Variants in NFE2L2 observed in about 807,000 individuals in gnomAD.
NFE2L2 encodes the protein NFE2 like bZIP transcription factor 2.
Under a neutral mutation model 49.6 loss-of-function variants are expected in NFE2L2, and 20 were observed. That is an observed-to-expected ratio of 0.40 (90% CI 0.28 to 0.59). The LOEUF (loss-of-function observed/expected upper bound fraction) is 0.59, where lower values mean the gene tolerates loss of function less well. Among genes scored for constraint, NFE2L2 ranks in the 20% least tolerant of loss-of-function variants. The probability of loss-of-function intolerance (pLI) is 0.40; values close to 1 mark genes in which losing one functional copy is unlikely to be tolerated. For synonymous variants in NFE2L2, 244 were observed against 256.5 expected, an observed-to-expected ratio of 0.95 and a Z score of 0.47; for missense variants, 578 against 714.2, an observed-to-expected ratio of 0.81 and a Z score of 2.17.
chr2:177,263,574 G>C (rs1354661572), intron 1 of NFE2L2: 1 of 985,266 alleles, frequency 1.0e-6, no homozygotes, highest in Non-Finnish European at 1.2e-6. Context: ...CTATAAAGCA[G>C]GAAAGGGCCA....
At chr2:177,256,213 T>C (rs1200731535) in intron 1 of NFE2L2, among the ~76,000 whole-genome samples, 3 of 152,116 alleles carry the variant, frequency 2.0e-5, no homozygotes, top group Non-Finnish European at 4.4e-5. Context: ...CATACCTCTG[T>C]GCCTGTTACC....
intron 1 of NFE2L2, among the ~76,000 whole-genome samples, chr2:177,241,065 T>C (rs2105468757): frequency 6.6e-6 from 1 of 152,272 alleles, no homozygotes; most frequent in African/African-American, 2.4e-5. Flanking sequence ...CTTCTAAAAA[T>C]AAATTTCATC....
chr2:177,257,728 TC>T (rs1197658290), intron 1 of NFE2L2, among the ~76,000 whole-genome samples: 1 of 152,152 alleles, frequency 6.6e-6, no homozygotes, highest in African/African-American at 2.4e-5. Context: ...AGGCGAGCAT[TC>T]CCGCCTGAGC....
intron 1 of NFE2L2, among the ~76,000 whole-genome samples, chr2:177,250,033 A>G (rs181379009): frequency 2.3e-4 from 35 of 152,240 alleles, no homozygotes; most frequent in Non-Finnish European, 1.2e-4. Context: ...GGGAAAATTC[A>G]CCCTTCCAAA....
chr2:177,233,433 A>G, intron 2 of NFE2L2, 94 bp from the exon 3 acceptor site: 2 of 941,168 alleles, frequency 2.1e-6, no homozygotes, highest in Non-Finnish European at 3.2e-6. Flanking sequence ...TAAAATATTT[A>G]TAATCAAGTT....
At chr2:177,250,726 C>A (rs1254876493) in intron 1 of NFE2L2, among the ~76,000 whole-genome samples, 2 of 152,192 alleles carry the variant, frequency 1.3e-5, no homozygotes, top group Non-Finnish European at 2.9e-5. Flanking sequence ...CCTATCCACT[C>A]GAGGCTTCCT....
intron 3 of NFE2L2, 133 bp from the exon 4 acceptor site, chr2:177,232,716 C>T: frequency 6.3e-6 from 5 of 794,134 alleles, no homozygotes; most frequent in Non-Finnish European, 9.7e-6. Context: ...GTCATGACCC[C>T]GTTTGTAAAT....
intron 1 of NFE2L2, among the ~76,000 whole-genome samples, chr2:177,260,974 C>T (rs1254516830): frequency 6.6e-6 from 1 of 151,846 alleles, no homozygotes; most frequent in Admixed American, 6.6e-5. Flanking sequence ...AGTTCGAGAC[C>T]AGCCCAGCCT....
chr2:177,233,664 T>C, intron 2 of NFE2L2: 1 of 503,656 alleles, frequency 2.0e-6, no homozygotes. Context: ...AAAACAGTGC[T>C]TGCCACACAC....
intron 1 of NFE2L2, among the ~76,000 whole-genome samples, chr2:177,239,285 A>C (rs958790948): frequency 6.6e-6 from 1 of 152,154 alleles, no homozygotes; most frequent in Non-Finnish European, 1.5e-5. Context: ...ATGACATCTA[A>C]TTGCTCTTCA....
intron 1 of NFE2L2, among the ~76,000 whole-genome samples, chr2:177,236,338 G>T (rs1689750023): frequency 6.6e-6 from 1 of 152,200 alleles, no homozygotes; most frequent in Non-Finnish European, 1.5e-5. Context: ...CCCTGCTCAT[G>T]GGGCTCATTA....
intron 1 of NFE2L2, among the ~76,000 whole-genome samples, chr2:177,245,248 T>C (rs1055248719): frequency 4.6e-5 from 7 of 152,220 alleles, no homozygotes; most frequent in Admixed American, 4.6e-4. Flanking sequence ...CACGGAACGC[T>C]ACAACTGGAA....
intron 1 of NFE2L2, 149 bp downstream of exon 1, chr2:177,264,383 A>AAGCGCGGCGGCTCTACCC: frequency 1.4e-6 from 1 of 695,262 alleles, no homozygotes; most frequent in East Asian, 3.6e-5. Context: ...GCCCCGGCGC[A>AAGCGCGGCGGCTCTACCC]AGCGCGGCGG....
chr2:177,232,639 C>T lies in NFE2L2; in HGVS notation c.403-56G>A, dbSNP rs1264820334. On this transcript the variant is annotated intron_variant, in intron 3 of 4. Transcript: ENST00000397062. The stretch of plus-strand genomic sequence containing the variant: ...CTTCCACCAACAGGGGATGAGTAAG[C>T]TCTAAGGCACCACTACAAAACAAAA... 1.9e-6 allele frequency: 3 copies of T among 1,552,254 alleles called. No individual in the cohort carries two copies. In the East Asian group the frequency reaches 7.0e-5, roughly 36 times the overall value.
intron 1 of NFE2L2, among the ~76,000 whole-genome samples, chr2:177,251,772 G>A (rs1239476783): frequency 2.0e-5 from 3 of 152,094 alleles, no homozygotes; most frequent in South Asian, 2.1e-4. Flanking sequence ...TTGGGAGGCC[G>A]AGGTGGGCGG....
chr2:177,264,392 G>T, intron 1 of NFE2L2, 140 bp downstream of exon 1: 1 of 804,766 alleles, frequency 1.2e-6, no homozygotes, highest in Non-Finnish European at 1.8e-6. Context: ...CAAGCGCGGC[G>T]GCTCTACCCA....
chr2:177,232,787 T>C (rs1689601635), intron 3 of NFE2L2: 2 of 562,196 alleles, frequency 3.6e-6, no homozygotes, highest in South Asian at 5.1e-5. Context: ...CTGTTTCAGC[T>C]TAAGCATTTG....
Position 177,230,773 on chromosome 2 carries a change from ATCC to A in NFE2L2, c.*9_*11del, listed in dbSNP as rs777573333. The A allele has an allele frequency of 4.5e-6, 7 of 1,564,046 alleles. No individual in the cohort carries two copies. The highest frequency in any genetic ancestry group is 1.4e-5 in the African/African-American group (1 of 72,416). ...AAAAAACTAGCTCAGAAAAGGTCAAATCCTCCTAAATCTAGTTTTTCTTAACAT... is the reference window on the plus strand; with the variant it reads ...AAAAAACTAGCTCAGAAAAGGTCAAATCCTAAATCTAGTTTTTCTTAACAT... On this transcript the variant is annotated 3_prime_UTR_variant, in exon 5 of 5. Coordinates refer to ENST00000397062, the MANE Select transcript of NFE2L2 (RefSeq NM_006164.5).
intron 1 of NFE2L2, among the ~76,000 whole-genome samples, chr2:177,239,873 CA>C (rs1180079180): frequency 6.6e-6 from 1 of 150,838 alleles, no homozygotes; most frequent in Non-Finnish European, 1.5e-5. Context: ...CTGTGCTACT[CA>C]GATTTTCACA....
Sources: gnomAD v4.1 joint callset for allele counts (sites outside exome capture counted in the v4.1 genomes callset) on GRCh38, gnomAD v4.1.1 for gene constraint, MANE v1.5 for transcripts, NCBI Gene and HGNC (gene_info 2026-07-23, HGNC 2026-07-21) for gene names.